The following SPDYA variants were observed in gnomAD, a reference collection of about 807,000 sequenced individuals.
SPDYA encodes the protein speedy protein A.
A neutral mutation model predicts 36.7 loss-of-function variants in SPDYA; 11 were observed. The ratio of observed to expected loss-of-function variants is 0.30; its 90% confidence interval spans 0.19 to 0.50. SPDYA has a LOEUF of 0.50. SPDYA is among the 20% of genes least tolerant of loss of function. The probability of loss-of-function intolerance (pLI) is 0.98; values close to 1 mark genes in which losing one functional copy is unlikely to be tolerated. For missense variants in SPDYA, 287 were observed against 370.9 expected (o/e 0.77, Z 1.86); for synonymous variants, 115 against 118.7 (o/e 0.97, Z 0.20).
Position 28,815,024 on chromosome 2 carries a change from A to G in SPDYA, c.-19+338A>G, listed in dbSNP as rs145382768. On this transcript the variant is annotated intron_variant, in intron 2 of 7. Coordinates refer to ENST00000334056, the MANE Select transcript of SPDYA (RefSeq NM_182756.4). ...AGGCCAGGCATGATGGCTCAAGCCC[A>G]TAATTCCCACACTTTGGGAAGCTGA... 1.8e-3 allele frequency among the ~76,000 whole-genome samples: 270 copies of G among 152,320 alleles called. 1 individual carries two copies. Among genetic ancestry groups the G allele is most frequent in the Non-Finnish European group, 2.4e-3 (160 of 68,036 alleles).
At chr2:28,815,664 G>A (rs1475513520) in intron 2 of SPDYA, among the ~76,000 whole-genome samples, 1 of 151,948 alleles carries the variant, frequency 6.6e-6, no homozygotes, top group Non-Finnish European at 1.5e-5. Context: ...TAGAAAATTA[G>A]CCGGAAAAAA....
chr2:28,829,896 A>G (rs1354525958), intron 6 of SPDYA, among the ~76,000 whole-genome samples: 1 of 147,172 alleles, frequency 6.8e-6, no homozygotes, highest in Non-Finnish European at 1.5e-5. Context: ...GTGAGCAGAG[A>G]TCGCGCCACT....
intron 6 of SPDYA, among the ~76,000 whole-genome samples, chr2:28,834,779 C>A (rs951781286): frequency 6.6e-6 from 1 of 152,066 alleles, no homozygotes; most frequent in Admixed American, 6.6e-5. Context: ...CAAAATTGAC[C>A]GTGGTTATGG....
intron 3 of SPDYA, among the ~76,000 whole-genome samples, chr2:28,817,330 G>A (rs1324193574): frequency 6.6e-6 from 1 of 151,878 alleles, no homozygotes; most frequent in Non-Finnish European, 1.5e-5. Context: ...GAGAGGCCAA[G>A]GCAGGCAGAT....
chr2:28,828,520 T>A (rs961434845), intron 5 of SPDYA, among the ~76,000 whole-genome samples: 1 of 152,276 alleles, frequency 6.6e-6, no homozygotes, highest in African/African-American at 2.4e-5. Flanking sequence ...TCCAGTGTCC[T>A]TATCTTTTAT....
At chr2:28,818,053 GCTAT>G (rs1217223851) in intron 3 of SPDYA, among the ~76,000 whole-genome samples, 1 of 149,892 alleles carries the variant, frequency 6.7e-6, no homozygotes, top group Non-Finnish European at 1.5e-5. Flanking sequence ...TGTAGTCCCA[GCTAT>G]CTGGGGGGCT....
At chr2:28,824,860 T>C (rs543508891) in intron 5 of SPDYA, among the ~76,000 whole-genome samples, 31 of 152,254 alleles carry the variant, frequency 2.0e-4, no homozygotes, top group Non-Finnish European at 3.8e-4. Context: ...AAGAAACTGA[T>C]TTCTACTTGT....
Position 28,811,252 on chromosome 2 carries a change from G to C in SPDYA, c.-93+305G>C, listed in dbSNP as rs181219219. The C allele has an allele frequency of 1.3e-5, 2 of 152,308 alleles. No individual in the cohort carries two copies. The highest frequency in any genetic ancestry group is 2.9e-5 in the Non-Finnish European group (2 of 68,126). The allele number at this position is 152,308 out of a possible 1,614,324, so 9.4% of individuals were successfully genotyped here. A position where few individuals can be genotyped will look rare whatever the true frequency, so the allele number is the denominator to read the frequency against. ...CGGGTGAAGGTTCCAGGGGAAGGAC[G>C]GGCAGGGCCGATACCGGAGGCTGCT... is the stretch of plus-strand genomic sequence containing the variant. On this transcript the variant is annotated intron_variant, in intron 1 of 7. Transcript: ENST00000334056. This position sits in a 1 kb window ranked among gnomAD's most constrained non-coding sequence, Gnocchi z 4.2.
rs1667831617 is a variant in SPDYA, at chr2:28,811,213, G to C, written c.-93+266G>C. ...CAGGTTGGGGCTTTGGCCGCCCTCC[G>C]CCCGGCGGCGTAGCGGGTGAAGGTT... On this transcript the variant is annotated intron_variant, in intron 1 of 7. Transcript: ENST00000334056. This position sits in a 1 kb window ranked among gnomAD's most constrained non-coding sequence, Gnocchi z 4.2. 1 of 152,380 alleles carries C rather than the reference G, an allele frequency of 6.6e-6. No homozygotes were observed. The highest frequency in any genetic ancestry group is 6.5e-5 in the Admixed American group (1 of 15,288). The allele number at this position is 152,380 out of a possible 1,614,324, so 9.4% of individuals were successfully genotyped here.
intron 4 of SPDYA, 117 bp downstream of exon 4, chr2:28,819,223 TAGTGGCCAGGTGC>T: frequency 1.3e-6 from 1 of 762,198 alleles, no homozygotes. Flanking sequence ...AGAAAAGAGC[TAGTGGCCAGGTGC>T]AGTGGCTCAC....
At chr2:28,824,493 A>AAC (rs1668266490) in intron 5 of SPDYA, among the ~76,000 whole-genome samples, 1 of 30,272 alleles carries the variant, frequency 3.3e-5, no homozygotes, top group Non-Finnish European at 5.6e-5. Context: ...AAAAAAAAAC[A>AAC]AAAAAAAAAA....
At chr2:28,832,428 T>A (rs1409308778) in intron 6 of SPDYA, among the ~76,000 whole-genome samples, 1 of 152,218 alleles carries the variant, frequency 6.6e-6, no homozygotes, top group Non-Finnish European at 1.5e-5. Flanking sequence ...TCTTCTCCTT[T>A]CTATTGGTAT....
At chr2:28,849,077 C>T (rs1439705908) in intron 7 of SPDYA, among the ~76,000 whole-genome samples, 2 of 151,760 alleles carry the variant, frequency 1.3e-5, no homozygotes, top group Non-Finnish European at 2.9e-5. Flanking sequence ...AACTAAAAAC[C>T]TATAAAACAT....
chr2:28,836,038 C>T (rs1213010541), intron 6 of SPDYA, among the ~76,000 whole-genome samples: 1 of 152,210 alleles, frequency 6.6e-6, no homozygotes, highest in African/African-American at 2.4e-5. Context: ...CTAAAATAAC[C>T]TCAAGTTAAG....
intron 1 of SPDYA, among the ~76,000 whole-genome samples, chr2:28,812,209 T>A (rs1236170046): frequency 6.6e-6 from 1 of 152,182 alleles, no homozygotes; most frequent in South Asian, 2.1e-4. Flanking sequence ...AATGAGATAA[T>A]GCATGTAACA....
intron 6 of SPDYA, among the ~76,000 whole-genome samples, 190 bp from the exon 7 acceptor site, chr2:28,839,982 T>C (rs995463936): frequency 1.2e-4 from 18 of 152,354 alleles, no homozygotes; most frequent in African/African-American, 4.1e-4. Flanking sequence ...AATTATTGTC[T>C]TAAAGATCCA....
chr2:28,842,937 TAA>T (rs1331077748), intron 7 of SPDYA, among the ~76,000 whole-genome samples: 1 of 152,136 alleles, frequency 6.6e-6, no homozygotes. Context: ...CCATTCCACC[TAA>T]GATTGGAATC....
In SPDYA at chr2:28,840,172, GTT is replaced by G; in HGVS notation, c.554_555del (p.Val185AspfsTer29). 6.2e-7 allele frequency: 1 copy of G among 1,613,470 alleles called. No individual in the cohort carries two copies. The highest frequency in any genetic ancestry group is 8.5e-7 in the Non-Finnish European group (1 of 1,179,846). On this transcript the variant is annotated frameshift_variant and splice_region_variant, in exon 7 of 8. Transcript: ENST00000334056. LOFTEE classifies it high-confidence loss of function. Reference sequence around the variant, plus strand: ...TCTAAAAGTTAGCTTTCTATTATAGGTTATGGCCATTGCACCAACCCATTATA... The same window carrying G: ...TCTAAAAGTTAGCTTTCTATTATAGGATGGCCATTGCACCAACCCATTATA... The part of the protein sequence containing the change: ...AIVSRRCCEE[V>X]MAIAPTHYIW...
At chr2:28,843,199 A>G (rs561408241) in intron 7 of SPDYA, among the ~76,000 whole-genome samples, 4 of 152,200 alleles carry the variant, frequency 2.6e-5, no homozygotes, top group Non-Finnish European at 5.9e-5. Context: ...TATGACATTT[A>G]TTAAGAACAA....
Sources: gnomAD v4.1 joint callset for allele counts (sites outside exome capture counted in the v4.1 genomes callset) on GRCh38, gnomAD v4.1.1 for gene constraint, Gnocchi (gnomAD v3.1) non-coding constraint, MANE v1.5 for transcripts, NCBI Gene and HGNC (gene_info 2026-07-23, HGNC 2026-07-21) for gene names.